The following PTPRM variants were observed in gnomAD, a reference collection of about 807,000 sequenced individuals.
PTPRM encodes receptor-type tyrosine-protein phosphatase mu.
A neutral mutation model predicts 186.7 loss-of-function variants in PTPRM; 47 were observed. The ratio of observed to expected loss-of-function variants is 0.25; its 90% CI spans 0.20 to 0.32. The LOEUF is 0.32. Ranked by LOEUF, PTPRM falls within the 10% of genes least tolerant of loss-of-function variation. The probability of loss-of-function intolerance (pLI) is 1.00; values close to 1 mark genes in which losing one functional copy is unlikely to be tolerated. For synonymous variants in PTPRM, 668 were observed against 674.9 expected (o/e 0.99, Z 0.16); for missense variants, 1,494 against 1,865.0 (o/e 0.80, Z 3.66).
At chr18:7,734,558 G>A (rs1278745448) in intron 1 of PTPRM, among the ~76,000 whole-genome samples, 1 of 152,148 alleles carries the variant, frequency 6.6e-6, no homozygotes, top group East Asian at 1.9e-4. Context: ...GGCAAATCTG[G>A]ATTCTGGTAG....
chr18:8,149,453 A>G (rs968327180), intron 14 of PTPRM, among the ~76,000 whole-genome samples: 5 of 152,088 alleles, frequency 3.3e-5, no homozygotes, highest in African/African-American at 1.2e-4. Flanking sequence ...AGTCTGTTTT[A>G]TCAGAGACTA....
chr18:8,090,518 C>T lies in PTPRM; in HGVS notation c.1856+1667C>T, dbSNP rs574835976. 3.9e-5 allele frequency among the ~76,000 whole-genome samples: 6 copies of T among 152,282 alleles called. No homozygotes were observed. In the East Asian group the frequency reaches 5.8e-4, roughly 15 times the overall value. ...GGATACCTTTTGCACATTTTCTATA[C>T]TTGTATCTTACTTTCAAACCCTTTC... is the stretch of plus-strand genomic sequence containing the variant. On this transcript the variant is annotated intron_variant, in intron 11 of 32. Transcript: ENST00000580170.
intron 1 of PTPRM, among the ~76,000 whole-genome samples, chr18:7,598,617 T>C (rs1056752621): frequency 1.3e-5 from 2 of 152,212 alleles, no homozygotes; most frequent in Non-Finnish European, 2.9e-5. Flanking sequence ...TCAGCTTTGC[T>C]GTATTAATAG....
At chr18:8,101,718 C>T (rs1301164966) in intron 11 of PTPRM, among the ~76,000 whole-genome samples, 3 of 152,140 alleles carry the variant, frequency 2.0e-5, no homozygotes, top group African/African-American at 7.2e-5. Context: ...ATGAGCTTTC[C>T]GTGTAACACT....
intron 4 of PTPRM, among the ~76,000 whole-genome samples, chr18:7,916,985 A>G (rs1315606453): frequency 1.3e-5 from 2 of 152,084 alleles, no homozygotes; most frequent in Non-Finnish European, 2.9e-5. Context: ...ACCACTCTTG[A>G]CTTCTGAGAT....
intron 20 of PTPRM, among the ~76,000 whole-genome samples, chr18:8,312,559 T>C (rs534568771): frequency 6.6e-6 from 1 of 152,254 alleles, no homozygotes; most frequent in South Asian, 2.1e-4. Context: ...CCAGGCTTTT[T>C]TATGATCTCT....
chr18:7,704,910 A>G (rs748624096), intron 1 of PTPRM, among the ~76,000 whole-genome samples: 2 of 152,166 alleles, frequency 1.3e-5, no homozygotes, highest in Non-Finnish European at 1.5e-5. Flanking sequence ...ACATTATTCA[A>G]TTTTTAGAGA....
At chr18:7,643,686 G>A (rs1021257511) in intron 1 of PTPRM, among the ~76,000 whole-genome samples, 1 of 151,912 alleles carries the variant, frequency 6.6e-6, no homozygotes, top group Non-Finnish European at 1.5e-5. Context: ...TTTTTTTGGG[G>A]TGATTTCAAT....
chr18:8,364,555 T>C (rs2095616442), intron 23 of PTPRM, among the ~76,000 whole-genome samples: 3 of 152,222 alleles, frequency 2.0e-5, no homozygotes, highest in Admixed American at 2.0e-4. Context: ...AGCTGGCAGC[T>C]GCTCTTGGCT....
chr18:7,912,016 C>T (rs1343880334), intron 4 of PTPRM, among the ~76,000 whole-genome samples: 2 of 151,890 alleles, frequency 1.3e-5, no homozygotes, highest in African/African-American at 4.8e-5. Flanking sequence ...CCAAGCCCAG[C>T]TAATTTTGTA....
intron 1 of PTPRM, among the ~76,000 whole-genome samples, chr18:7,660,090 C>A (rs2038943860): frequency 6.6e-6 from 1 of 152,122 alleles, no homozygotes; most frequent in South Asian, 2.1e-4. Flanking sequence ...CCTGTAATCC[C>A]AGCACTTTGG....
chr18:8,056,146 AT>A (rs1393836209), intron 7 of PTPRM, among the ~76,000 whole-genome samples: 1 of 152,218 alleles, frequency 6.6e-6, no homozygotes, highest in Non-Finnish European at 1.5e-5. Flanking sequence ...TTATCTAATT[AT>A]TTGATGAGTC....
At chr18:7,925,055 T>C (rs772030471) in intron 4 of PTPRM, among the ~76,000 whole-genome samples, 14 of 152,222 alleles carry the variant, frequency 9.2e-5, no homozygotes, top group Non-Finnish European at 1.9e-4. Flanking sequence ...GAAAAGTTTC[T>C]GGCACATAAG....
rs112551827 is a variant in PTPRM at position 7,918,837 on chromosome 18, C to T, written c.548-7731C>T. 2.3e-3 allele frequency among the ~76,000 whole-genome samples: 350 copies of T among 152,060 alleles called. 8 individuals are homozygous for T. Among genetic ancestry groups the T allele is most frequent in the Middle Eastern group, 3.4e-3 (1 of 294 alleles). ...TTTGTCTGTTTTTGTTTTGGTTGCTCTTGAGGTCTTACACAAAAATTCTTT... is the reference window on the plus strand; with the variant it reads ...TTTGTCTGTTTTTGTTTTGGTTGCTTTTGAGGTCTTACACAAAAATTCTTT... On this transcript the variant is annotated intron_variant, in intron 4 of 32. Coordinates refer to ENST00000580170, the MANE Select transcript of PTPRM (RefSeq NM_001105244.2).
intron 23 of PTPRM, among the ~76,000 whole-genome samples, chr18:8,347,698 T>A (rs893545323): frequency 1.3e-5 from 2 of 152,202 alleles, no homozygotes; most frequent in African/African-American, 4.8e-5. Flanking sequence ...TTGTTTCCAA[T>A]AAGGTGTGGC....
chr18:7,896,367 A>G (rs908889311), intron 3 of PTPRM, among the ~76,000 whole-genome samples: 1 of 152,108 alleles, frequency 6.6e-6, no homozygotes, highest in Non-Finnish European at 1.5e-5. Flanking sequence ...ATTTCGTCAT[A>G]TTCTAATCAT....
chr18:7,650,579 C>G (rs1229788123), intron 1 of PTPRM, among the ~76,000 whole-genome samples: 1 of 151,388 alleles, frequency 6.6e-6, no homozygotes, highest in African/African-American at 2.4e-5. Context: ...AAGCACGTAA[C>G]AGTATTTTTC....
intron 4 of PTPRM, among the ~76,000 whole-genome samples, chr18:7,916,579 G>A (rs911310188): frequency 1.3e-5 from 2 of 152,182 alleles, no homozygotes; most frequent in East Asian, 3.9e-4. Context: ...TCCTCACATG[G>A]CAGACAGAGG....
chr18:7,948,664 C>T (rs371648987), intron 5 of PTPRM, among the ~76,000 whole-genome samples: 34 of 152,156 alleles, frequency 2.2e-4, no homozygotes, highest in Admixed American at 1.6e-3. Flanking sequence ...CCAGGAAGAA[C>T]GTCAAAAGGG....
Sources: allele counts gnomAD v4.1 joint callset (sites outside exome capture counted in the v4.1 genomes callset), GRCh38; gene constraint gnomAD v4.1.1; transcripts MANE v1.5; gene names NCBI Gene and HGNC (gene_info 2026-07-23, HGNC 2026-07-21).